The following SLC12A1 variants were observed in gnomAD, a reference collection of about 807,000 sequenced individuals.
SLC12A1 encodes the protein Na-K-2Cl cotransporter.
In SLC12A1, 89 loss-of-function variants were observed where a neutral mutation model predicts 130.4. That is an observed-to-expected ratio of 0.68 (90% confidence interval 0.58 to 0.81). The LOEUF (loss-of-function observed/expected upper bound fraction) is 0.81, where lower values mean the gene tolerates loss of function less well. SLC12A1 is among the 40% of genes least tolerant of loss of function. SLC12A1 has a pLI of 0.00. For synonymous variants in SLC12A1, 499 were observed against 460.0 expected, an observed-to-expected ratio of 1.08 and a Z score of -1.09; for missense variants, 1,310 against 1,336.4, an observed-to-expected ratio of 0.98 and a Z score of 0.31.
At chr15:48,273,051 G>A (rs2041914396) in intron 19 of SLC12A1, among the ~76,000 whole-genome samples, 1 of 142,516 alleles carries the variant, frequency 7.0e-6, no homozygotes, top group South Asian at 2.2e-4. Context: ...GTTGCAGTGA[G>A]CCAATATCAC....
At position 48,285,129 on chromosome 15, in the gene SLC12A1, G is replaced by A. The variant is rs1401345019; in HGVS notation, c.2509G>A (p.Glu837Lys). ...AGAGGAATTAGAGAGATTAGAACAG[G>A]AGAGACTAGCATTGGAAGCGACTAT... Reference protein sequence around the residue: ...VQEELERLEQERLALEATIKD... With the variant: ...VQEELERLEQKRLALEATIKD... Residue 837 changes from glutamate to lysine, a missense_variant, in exon 21 of 27, where the codon GAG becomes AAG. By Grantham distance (56) the Glu-to-Lys change is moderately conservative. Transcript: ENST00000380993. The A allele has an allele frequency of 1.9e-6, 3 of 1,612,554 alleles. No homozygotes were observed. Among genetic ancestry groups the A allele is most frequent in the African/African-American group, 1.3e-5 (1 of 74,838 alleles).
intron 16 of SLC12A1, among the ~76,000 whole-genome samples, chr15:48,256,823 C>CT (rs1475711968): frequency 6.4e-4 from 2 of 3,144 alleles, no homozygotes; most frequent in Non-Finnish European, 4.8e-3. Flanking sequence ...CCATCCCTGG[C>CT]CCCCCCCCCC....
At chr15:48,216,255 T>C (rs992324001) in intron 2 of SLC12A1, among the ~76,000 whole-genome samples, 6 of 152,194 alleles carry the variant, frequency 3.9e-5, no homozygotes, top group African/African-American at 1.4e-4. Flanking sequence ...TTTTGCATCA[T>C]ATTGTGAAAT....
At chr15:48,226,392 G>A (rs553459441) in intron 4 of SLC12A1, 84 bp from the exon 5 acceptor site, 8 of 823,448 alleles carry the variant, frequency 9.7e-6, no homozygotes, top group South Asian at 7.0e-5. Flanking sequence ...GAAAACTTAA[G>A]TTAAAGGCAG....
chr15:48,215,571 C>T (rs184762754), intron 2 of SLC12A1, among the ~76,000 whole-genome samples: 21 of 152,250 alleles, frequency 1.4e-4, no homozygotes, highest in Admixed American at 1.2e-3. Flanking sequence ...GAGACTTTGG[C>T]CTCAAGAACA....
chr15:48,253,883 G>A (rs1473191757), intron 15 of SLC12A1, among the ~76,000 whole-genome samples: 1 of 152,046 alleles, frequency 6.6e-6, no homozygotes, highest in East Asian at 1.9e-4. Flanking sequence ...ACCTCATTGT[G>A]GTTTAATTTG....
In SLC12A1 at chr15:48,208,072, C is replaced by A. The variant is rs753773652; in HGVS notation, c.353C>A (p.Thr118Asn). Reference protein sequence around the residue: ...AVPKIEYYRNTGSISGPKVNR... With the variant: ...AVPKIEYYRNNGSISGPKVNR... The stretch of plus-strand genomic sequence containing the variant: ...CCCAAGATAGAGTACTATCGTAACA[C>A]CGGCAGCATCAGTGGGCCCAAGGTC... Residue 118 changes from threonine to asparagine, a missense_variant, in exon 2 of 27, where the codon ACC becomes AAC. Physicochemically the swap from Thr to Asn is moderately conservative, Grantham distance 65 (BLOSUM62 0). Coordinates refer to ENST00000380993, the MANE Select transcript of SLC12A1 (RefSeq NM_000338.3). 6.2e-7 allele frequency: 1 copy of A among 1,613,350 alleles called. No individual in the cohort carries two copies. The highest frequency in any genetic ancestry group is 1.1e-5 in the South Asian group (1 of 90,916).
At chr15:48,210,587 G>T (rs1335600623) in intron 2 of SLC12A1, among the ~76,000 whole-genome samples, 5 of 151,952 alleles carry the variant, frequency 3.3e-5, no homozygotes, top group East Asian at 3.9e-4. Context: ...GGGTGTGGTG[G>T]CTCATGCCTG....
chr15:48,280,488 GA>G (rs1566854231), intron 20 of SLC12A1, among the ~76,000 whole-genome samples: 1 of 152,158 alleles, frequency 6.6e-6, no homozygotes, highest in Non-Finnish European at 1.5e-5. Context: ...TAAACATCTT[GA>G]AAAGAGAGAA....
At position 48,300,560 on chromosome 15, in the gene SLC12A1, G is replaced by A. The variant is rs146671629; in HGVS notation, c.3097-755G>A. ...TTAGGAGCTGAACTTGAAAAAATTC[G>A]AGCAAGAAACGCTAAAAGCCTTTTA... is the stretch of plus-strand genomic sequence containing the variant. On this transcript the variant is annotated intron_variant, in intron 25 of 26. Coordinates refer to ENST00000380993, the MANE Select transcript of SLC12A1 (RefSeq NM_000338.3). Among the ~76,000 whole-genome samples, 326 of 152,056 alleles carry A rather than the reference G, an allele frequency of 2.1e-3. 10 individuals are homozygous for A. In the East Asian group the frequency reaches 0.043, roughly 20 times the overall value.
chr15:48,232,977 A>T, intron 8 of SLC12A1, 139 bp downstream of exon 8: 1 of 635,392 alleles, frequency 1.6e-6, no homozygotes, highest in Middle Eastern at 2.6e-4. Context: ...AGCCCAAAAG[A>T]AATGGGAAGT....
intron 15 of SLC12A1, among the ~76,000 whole-genome samples, chr15:48,254,704 G>A (rs35885848): frequency 6.8e-6 from 1 of 146,964 alleles, no homozygotes; most frequent in Non-Finnish European, 1.5e-5. Context: ...GGTGGATCAC[G>A]ATGTCAGGAG....
intron 20 of SLC12A1, among the ~76,000 whole-genome samples, chr15:48,281,992 G>T (rs2042012960): frequency 6.6e-6 from 1 of 152,136 alleles, no homozygotes; most frequent in South Asian, 2.1e-4. Flanking sequence ...TCATTCAGAA[G>T]AACAGATAAT....
At position 48,267,755 on chromosome 15, in the gene SLC12A1, T is replaced by C. The variant is rs2041848245; in HGVS notation, c.2295+54T>C. The stretch of plus-strand genomic sequence containing the variant: ...GAGGCAAAAGACAATTAGTGCTCCA[T>C]GTTAATAAGGCTCCCAAAGTGAACA... On this transcript the variant is annotated intron_variant, in intron 18 of 26. Coordinates refer to ENST00000380993, the MANE Select transcript of SLC12A1 (RefSeq NM_000338.3). 19 of 1,592,364 alleles carry C rather than the reference T, an allele frequency of 1.2e-5. No homozygotes were observed. The South Asian group carries it at 2.1e-4, about 18-fold the overall frequency.
chr15:48,245,501 G>C (rs991878046), intron 11 of SLC12A1, among the ~76,000 whole-genome samples: 2 of 152,166 alleles, frequency 1.3e-5, no homozygotes, highest in Non-Finnish European at 2.9e-5. Flanking sequence ...GCTCCCACTT[G>C]TAAGTGAGAA....
chr15:48,233,251 G>A (rs1346177202), intron 8 of SLC12A1, among the ~76,000 whole-genome samples: 2 of 152,178 alleles, frequency 1.3e-5, no homozygotes, highest in African/African-American at 4.8e-5. Context: ...AGATTTTCCT[G>A]CCAAAATGTG....
intron 13 of SLC12A1, 51 bp from the exon 14 acceptor site, chr15:48,249,523 GC>G (rs1443268135): frequency 7.6e-6 from 10 of 1,322,342 alleles, no homozygotes; most frequent in Non-Finnish European, 1.1e-5. Context: ...CAGCTGTTCA[GC>G]CCCTGGTCTC....
chr15:48,259,148 G>A (rs1468795927), intron 16 of SLC12A1, 52 bp from the exon 17 acceptor site: 2 of 1,172,690 alleles, frequency 1.7e-6, no homozygotes, highest in Admixed American at 3.4e-5. Context: ...ATGGTTCTAA[G>A]GTTACAGGCT....
At chr15:48,293,174 G>A (rs2042139361) in intron 24 of SLC12A1, among the ~76,000 whole-genome samples, 1 of 152,216 alleles carries the variant, frequency 6.6e-6, no homozygotes, top group African/African-American at 2.4e-5. Flanking sequence ...CTCCCAAAGT[G>A]CTGGGATTAC....
Sources: allele counts gnomAD v4.1 joint callset (sites outside exome capture counted in the v4.1 genomes callset), GRCh38; gene constraint gnomAD v4.1.1; transcripts MANE v1.5; gene names NCBI Gene and HGNC (gene_info 2026-07-23, HGNC 2026-07-21).